The following PKNOX2 variants were observed in gnomAD, a reference collection of about 807,000 sequenced individuals.
PKNOX2 encodes PBX/knotted 1 homeobox 2, also known as homeobox protein PKNOX2.
A neutral mutation model predicts 53.1 loss-of-function variants in PKNOX2; 14 were observed. The observed-to-expected ratio is 0.26, with a 90% confidence interval of 0.17 to 0.41. PKNOX2 has a LOEUF of 0.41. Among genes scored for constraint, PKNOX2 ranks in the 10% least tolerant of loss-of-function variants. PKNOX2 has a pLI of 1.00. For missense variants in PKNOX2, 496 were observed against 602.8 expected (o/e 0.82, Z 1.85); for synonymous variants, 257 against 242.8 (o/e 1.06, Z -0.54).
intron 7 of PKNOX2, among the ~76,000 whole-genome samples, chr11:125,401,914 G>A (rs181258119): frequency 2.0e-5 from 3 of 152,276 alleles, no homozygotes; most frequent in Admixed American, 1.3e-4. Context: ...ATGATCCTCT[G>A]GATCAACATT....
chr11:125,204,510 C>G (rs1230807644), intron 1 of PKNOX2, among the ~76,000 whole-genome samples: 1 of 152,168 alleles, frequency 6.6e-6, no homozygotes, highest in Non-Finnish European at 1.5e-5. Flanking sequence ...GGCTCAAGCT[C>G]CCAATTTAAT....
chr11:125,282,020 G>T (rs1317495316), intron 2 of PKNOX2, among the ~76,000 whole-genome samples: 1 of 152,220 alleles, frequency 6.6e-6, no homozygotes, highest in African/African-American at 2.4e-5. Context: ...TGCAGCTGCT[G>T]CTGCCACGCC....
intron 3 of PKNOX2, among the ~76,000 whole-genome samples, chr11:125,345,982 G>A (rs1485277422): frequency 6.6e-6 from 1 of 152,162 alleles, no homozygotes. Flanking sequence ...CATTTTGGAC[G>A]CGGCGTTGGG....
intron 1 of PKNOX2, among the ~76,000 whole-genome samples, chr11:125,231,724 GT>G (rs1942222008): frequency 6.9e-6 from 1 of 144,870 alleles, no homozygotes; most frequent in African/African-American, 2.8e-5. Context: ...TGTGTGGGGG[GT>G]GTGTGTGTGT....
chr11:125,330,022 C>T (rs921385054), intron 2 of PKNOX2, among the ~76,000 whole-genome samples: 1 of 152,174 alleles, frequency 6.6e-6, no homozygotes, highest in Non-Finnish European at 1.5e-5. Flanking sequence ...CCTTGAAGAG[C>T]ATGAATGAAG....
At chr11:125,411,979 C>A in intron 10 of PKNOX2, 114 bp downstream of exon 10, 1 of 1,498,330 alleles carries the variant, frequency 6.7e-7, no homozygotes, top group Non-Finnish European at 9.1e-7. Flanking sequence ...GGCGCGGCCT[C>A]GGGGAGAGCT....
At chr11:125,186,337 G>A (rs1956447145) in intron 1 of PKNOX2, among the ~76,000 whole-genome samples, 1 of 152,186 alleles carries the variant, frequency 6.6e-6, no homozygotes, top group South Asian at 2.1e-4. Context: ...CCATTCTGGA[G>A]GTTTCTTTTT....
chr11:125,353,563 G>A (rs900758557), intron 4 of PKNOX2, among the ~76,000 whole-genome samples: 4 of 152,350 alleles, frequency 2.6e-5, no homozygotes, highest in African/African-American at 9.6e-5. Context: ...GAAGAAGGGA[G>A]TCTCCACTTC....
At position 125,411,670 on chromosome 11, in the gene PKNOX2, G is replaced by A. The variant is rs529251526; in HGVS notation, c.817-76G>A. ...AAAGGGGCTGGCAGCCAAGCCTGCC[G>A]TCGCTATGGCAACAGGTCCCCAGCC... is the stretch of plus-strand genomic sequence containing the variant. On this transcript the variant is annotated intron_variant, in intron 9 of 12. Transcript: ENST00000298282. 300 of 1,609,634 alleles carry A rather than the reference G, an allele frequency of 1.9e-4. 1 individual carries two copies. Among genetic ancestry groups the A allele is most frequent in the East Asian group, 5.6e-4 (25 of 44,634 alleles).
At chr11:125,181,381 G>A (rs556994404) in intron 1 of PKNOX2, among the ~76,000 whole-genome samples, 1 of 152,348 alleles carries the variant, frequency 6.6e-6, no homozygotes, top group Middle Eastern at 3.4e-3. Context: ...GAGTAGTCTG[G>A]GATGGCTTCC....
chr11:125,211,934 T>C (rs1347342140), intron 1 of PKNOX2, among the ~76,000 whole-genome samples: 2 of 152,086 alleles, frequency 1.3e-5, no homozygotes, highest in African/African-American at 4.8e-5. Context: ...CACGATGTAT[T>C]TGGTTTCCTA....
Position 125,317,559 on chromosome 11 carries a change from G to C in PKNOX2, c.-129-14260G>C, listed in dbSNP as rs908897198. Among the ~76,000 whole-genome samples, 5 of 152,296 alleles carry C rather than the reference G, an allele frequency of 3.3e-5. No individual in the cohort carries two copies. The South Asian group carries it at 8.3e-4, about 25-fold the overall frequency. On this transcript the variant is annotated intron_variant, in intron 2 of 12. Transcript: ENST00000298282. Reference sequence around the variant, plus strand: ...CTTGTACATCTCCATCAGAGCTCTTGGGTAATCACGTGCATTGCCAATGAC... The same window carrying C: ...CTTGTACATCTCCATCAGAGCTCTTCGGTAATCACGTGCATTGCCAATGAC...
At chr11:125,367,126 T>C (rs1484673243) in intron 4 of PKNOX2, among the ~76,000 whole-genome samples, 1 of 152,238 alleles carries the variant, frequency 6.6e-6, no homozygotes, top group Non-Finnish European at 1.5e-5. Flanking sequence ...TGTAAACCAT[T>C]GAACCATTTC....
intron 2 of PKNOX2, among the ~76,000 whole-genome samples, chr11:125,299,747 A>T (rs1210610683): frequency 6.6e-6 from 1 of 151,940 alleles, no homozygotes; most frequent in African/African-American, 2.4e-5. Context: ...CCCGATTTGG[A>T]GAGGGTGAGC....
At chr11:125,380,599 T>C (rs1442250046) in intron 5 of PKNOX2, among the ~76,000 whole-genome samples, 9 of 152,148 alleles carry the variant, frequency 5.9e-5, no homozygotes, top group African/African-American at 2.2e-4. Flanking sequence ...TTCTAGCCCA[T>C]GGAGGATGTG....
intron 2 of PKNOX2, among the ~76,000 whole-genome samples, chr11:125,321,125 C>T (rs1949493617): frequency 6.6e-6 from 1 of 152,168 alleles, no homozygotes; most frequent in African/African-American, 2.4e-5. Context: ...GGAAAGAGGG[C>T]ATCCCAGTCT....
chr11:125,410,211 T>C lies in PKNOX2; in HGVS notation c.604T>C (p.Ser202Pro). ...NLHSQDLLQN[S>P]PNSMSGVSNN... ...TCACTGCCAGGACCTCCTGCAGAAT[T>C]CCCCCAATTCCATGTCCGGAGTCTC... The change falls in exon 8 of 13, where the codon TCC (serine) becomes CCC (proline). Residue 202 changes from serine to proline, a missense_variant. Coordinates refer to ENST00000298282, the MANE Select transcript of PKNOX2 (RefSeq NM_001382323.2). 1 of 1,613,828 alleles carries C rather than the reference T, an allele frequency of 6.2e-7. No individual in the cohort carries two copies. The highest frequency in any genetic ancestry group is 8.5e-7 in the Non-Finnish European group (1 of 1,179,898).
intron 2 of PKNOX2, among the ~76,000 whole-genome samples, chr11:125,304,863 C>T (rs940152284): frequency 2.0e-5 from 3 of 152,200 alleles, no homozygotes; most frequent in African/African-American, 7.2e-5. Flanking sequence ...ACCAAGATCC[C>T]TGCCCATGTG....
intron 2 of PKNOX2, among the ~76,000 whole-genome samples, chr11:125,315,303 G>GAAA (rs534448203): frequency 1.5e-3 from 119 of 79,340 alleles, no homozygotes; most frequent in African/African-American, 1.6e-3. Flanking sequence ...TGTGAAGCAG[G>GAAA]AAAAAAAAAA....
Sources: allele counts gnomAD v4.1 joint callset (sites outside exome capture counted in the v4.1 genomes callset), GRCh38; gene constraint gnomAD v4.1.1; transcripts MANE v1.5; gene names NCBI Gene and HGNC (gene_info 2026-07-23, HGNC 2026-07-21).